CDH23: variants seen among roughly 807,000 people sequenced by gnomAD.
The protein encoded by CDH23 is cadherin related 23, also known as cadherin-23.
In CDH23, 189 loss-of-function variants were observed where a neutral mutation model predicts 317.1. The ratio of observed to expected loss-of-function variants is 0.60; its 90% CI spans 0.53 to 0.67. The LOEUF is 0.67. Among genes scored for constraint, CDH23 ranks in the 30% least tolerant of loss-of-function variants. The pLI is 0.00. For missense variants in CDH23, 4,401 were observed against 4,592.4 expected, an observed-to-expected ratio of 0.96 and a Z score of 1.20; for synonymous variants, 1,839 against 1,876.8, an observed-to-expected ratio of 0.98 and a Z score of 0.52.
intron 14 of CDH23, 146 bp from the exon 15 acceptor site, chr10:71,674,966 A>C: frequency 2.8e-6 from 2 of 713,200 alleles, no homozygotes; most frequent in Admixed American, 4.1e-5. Context: ...GACTGGCAGC[A>C]GGCTTTCACC....
intron 14 of CDH23, among the ~76,000 whole-genome samples, chr10:71,668,176 C>T (rs919586131): frequency 6.6e-6 from 1 of 152,136 alleles, no homozygotes; most frequent in Non-Finnish European, 1.5e-5. Context: ...CAGCCAGAGA[C>T]CCCTGCCACC....
chr10:71,430,944 TAC>T (rs1849341749), intron 1 of CDH23, among the ~76,000 whole-genome samples: 1 of 152,206 alleles, frequency 6.6e-6, no homozygotes, highest in Non-Finnish European at 1.5e-5. Flanking sequence ...GTCCTCAGGA[TAC>T]ATGGTCATGT....
At chr10:71,582,951 C>T (rs1447842484) in intron 9 of CDH23, among the ~76,000 whole-genome samples, 1 of 152,130 alleles carries the variant, frequency 6.6e-6, no homozygotes, top group African/African-American at 2.4e-5. Context: ...GTGATGGCTC[C>T]CTGGGGGCCT....
chr10:71,701,006 C>T (rs1865560763), intron 22 of CDH23, among the ~76,000 whole-genome samples: 1 of 152,202 alleles, frequency 6.6e-6, no homozygotes, highest in Admixed American at 6.5e-5. Flanking sequence ...AAGAATAACA[C>T]TGTCCTGATG....
At chr10:71,641,804 C>T (rs950436929) in intron 11 of CDH23, among the ~76,000 whole-genome samples, 1 of 152,198 alleles carries the variant, frequency 6.6e-6, no homozygotes, top group Non-Finnish European at 1.5e-5. Context: ...TCTGACCAGA[C>T]ACAGTGGCTC....
At position 71,675,088 on chromosome 10, in the gene CDH23, G is replaced by A. The variant is rs1221222228; in HGVS notation, c.1450-24G>A. 3 of 1,611,748 alleles carry A rather than the reference G, an allele frequency of 1.9e-6. No homozygotes were observed. In the African/African-American group the frequency reaches 4.0e-5, roughly 21 times the overall value. On this transcript the variant is annotated intron_variant, in intron 14 of 69. Transcript: ENST00000224721. ...AGCCTCAGCTGGGCCTGGCAGTAAT[G>A]ACTTCTTGTTCTCGCTGTTGCAGGC...
chr10:71,768,909 T>A (rs1213210545), intron 38 of CDH23, among the ~76,000 whole-genome samples: 1 of 152,224 alleles, frequency 6.6e-6, no homozygotes. Context: ...GCCCACAGCC[T>A]CACAACTAAT....
chr10:71,493,758 G>A (rs969871300), intron 3 of CDH23, among the ~76,000 whole-genome samples: 2 of 152,168 alleles, frequency 1.3e-5, no homozygotes, highest in Admixed American at 6.5e-5. Context: ...ACCAAGGAAC[G>A]TTTTTTCACA....
At chr10:71,403,454 T>TTTCCTTCCTTCCTTCC in intron 1 of CDH23, among the ~76,000 whole-genome samples, 1 of 35,258 alleles carries the variant, frequency 2.8e-5, no homozygotes, top group East Asian at 8.9e-4. Flanking sequence ...CCTTCCTTCC[T>TTTCCTTCCTTCCTTCC]TTCCTTCCTT....
At chr10:71,638,349 G>T (rs1564702285) in intron 11 of CDH23, among the ~76,000 whole-genome samples, 1 of 152,220 alleles carries the variant, frequency 6.6e-6, no homozygotes. Context: ...AGGCAAGCTG[G>T]TGTCACCAAT....
chr10:71,689,391 T>TA (rs1033966373), intron 19 of CDH23, among the ~76,000 whole-genome samples: 6 of 152,066 alleles, frequency 3.9e-5, no homozygotes, highest in African/African-American at 1.5e-4. Flanking sequence ...ATGTCACTGC[T>TA]AAAGAGCTGC....
At chr10:71,793,932 T>C (rs1239769055) in intron 48 of CDH23, among the ~76,000 whole-genome samples, 3 of 152,212 alleles carry the variant, frequency 2.0e-5, no homozygotes, top group East Asian at 3.8e-4. Context: ...GTATTAAATA[T>C]GATAACATTT....
chr10:71,436,522 ACT>A (rs1236300339), intron 1 of CDH23, among the ~76,000 whole-genome samples: 3 of 152,086 alleles, frequency 2.0e-5, no homozygotes, highest in African/African-American at 7.2e-5. Flanking sequence ...ACATCAGGAG[ACT>A]CTGACTCAGG....
intron 14 of CDH23, among the ~76,000 whole-genome samples, chr10:71,652,545 C>T (rs1487007934): frequency 1.3e-5 from 2 of 152,212 alleles, no homozygotes; most frequent in African/African-American, 4.8e-5. Context: ...TGTGGACAAG[C>T]CCAGCTCTGC....
At chr10:71,472,666 C>T (rs75605679) in intron 3 of CDH23, among the ~76,000 whole-genome samples, 6,287 of 152,284 alleles carry the variant, frequency 0.041, 162 homozygotes, top group African/African-American at 0.069. Context: ...CACAGCGAAG[C>T]GAGGCCTGAG....
At position 71,809,802 on chromosome 10, in the gene CDH23, C is replaced by A. The variant is rs954609075; in HGVS notation, c.8723-18C>A. On this transcript the variant is annotated intron_variant, in intron 60 of 69. Coordinates refer to ENST00000224721, the MANE Select transcript of CDH23 (RefSeq NM_022124.6). ...CACTGAGTCTCTGAGCCGTACCCCG[C>A]CTTTGGGCTTCCTGCAGGGAGCATG... 7 of 1,607,268 alleles carry A rather than the reference C, an allele frequency of 4.4e-6. No homozygotes were observed. Among genetic ancestry groups the A allele is most frequent in the Non-Finnish European group, 5.1e-6 (6 of 1,176,102 alleles).
At chr10:71,416,150 A>T (rs1415528959) in intron 1 of CDH23, among the ~76,000 whole-genome samples, 1 of 152,038 alleles carries the variant, frequency 6.6e-6, no homozygotes, top group Non-Finnish European at 1.5e-5. Context: ...TCAGCCTCCC[A>T]ATTAGCTGGG....
chr10:71,798,628 T>C lies in CDH23; in HGVS notation c.7054+50T>C, dbSNP rs1378634686. Reference sequence around the variant, plus strand: ...GGGCTGGGGGACATATATCTCTGCTTGCTTAGTCCCCAAGAGAGACCACAG... The same window carrying C: ...GGGCTGGGGGACATATATCTCTGCTCGCTTAGTCCCCAAGAGAGACCACAG... On this transcript the variant is annotated intron_variant, in intron 50 of 69. Coordinates refer to ENST00000224721, the MANE Select transcript of CDH23 (RefSeq NM_022124.6). 4 of 1,421,452 alleles carry C rather than the reference T, an allele frequency of 2.8e-6. No individual in the cohort carries two copies. The East Asian group carries it at 9.8e-5, about 35-fold the overall frequency. 88.1% of individuals were successfully genotyped at this position (1,421,452 alleles called of 1,614,324 possible).
At position 71,625,421 on chromosome 10, in the gene CDH23, A is replaced by AAAAAAAAAAAAAAC. The variant is rs778124827; in HGVS notation, c.1134+8031_1134+8032insAAAAAAAAAACAAA. Among the ~76,000 whole-genome samples, 5 of 92,358 alleles carry AAAAAAAAAAAAAAC rather than the reference A, an allele frequency of 5.4e-5. 1 individual carries two copies. Among genetic ancestry groups the AAAAAAAAAAAAAAC allele is most frequent in the African/African-American group, 8.0e-5 (2 of 24,876 alleles). 60.6% of individuals were successfully genotyped at this position (92,358 alleles called of 152,430 possible). ...TAAAAAAAAAAAAAAAAAAAAAAAA[A>AAAAAAAAAAAAAAC]AAATGACAAGGAGAAAAGGCCATAT... On this transcript the variant is annotated intron_variant, in intron 11 of 69. Coordinates refer to ENST00000224721, the MANE Select transcript of CDH23 (RefSeq NM_022124.6).
Sources: gnomAD v4.1 joint callset for allele counts (sites outside exome capture counted in the v4.1 genomes callset) on GRCh38, gnomAD v4.1.1 for gene constraint, MANE v1.5 for transcripts, NCBI Gene and HGNC (gene_info 2026-07-23, HGNC 2026-07-21) for gene names.